PHLDA1: variants seen among roughly 807,000 people sequenced by gnomAD.
PHLDA1 encodes pleckstrin homology like domain family A member 1, also known as pleckstrin homology-like domain family A member 1.
In PHLDA1, 28 loss-of-function variants were observed where a neutral mutation model predicts 33.8. The ratio of observed to expected loss-of-function variants is 0.83; its 90% CI spans 0.61 to 1.14. PHLDA1 has a LOEUF of 1.14. Ranked by LOEUF, PHLDA1 falls within the 50% of genes most tolerant of loss-of-function variation. The pLI, the probability that PHLDA1 is intolerant of heterozygous loss-of-function variation, is 0.00. For synonymous variants in PHLDA1, 271 were observed against 243.6 expected, an observed-to-expected ratio of 1.11 and a Z score of -1.05; for missense variants, 595 against 548.6, an observed-to-expected ratio of 1.08 and a Z score of -0.84.
At position 76,031,340 on chromosome 12, in the gene PHLDA1, G is replaced by A. The variant is rs753441678; in HGVS notation, c.402C>T (p.Gly134=). ...GCATCCTCCCAGCATAAGAGGGGCC[G>A]CCGCTTGGCTCGGCCTCTCCGTTTC... Residue 134 remains glycine, a synonymous_variant, in exon 1 of 2, where the codon GGC becomes GGT. Transcript: ENST00000266671. The surrounding 1 kb of genome is among the most constrained non-coding windows in gnomAD (Gnocchi z 5.4). 6.2e-7 allele frequency: 1 copy of A among 1,612,264 alleles called. No homozygotes were observed. The highest frequency in any genetic ancestry group is 8.5e-7 in the Non-Finnish European group (1 of 1,179,574).
rs1255553553 is a variant in PHLDA1, at chr12:76,031,377, G to GC, written c.364dup (p.Ala122GlyfsTer25). ...GGCCTCTCCGTTTCCAGCCGCGCGG[G>GC]CCGGGGGCAGCAGCAGCAGCCTCGC... is the stretch of plus-strand genomic sequence containing the variant. On this transcript the variant is annotated frameshift_variant, in exon 1 of 2. Transcript: ENST00000266671. LOFTEE classifies it high-confidence loss of function. This position sits in a 1 kb window ranked among gnomAD's most constrained non-coding sequence, Gnocchi z 5.4. The GC allele has an allele frequency of 6.2e-7, 1 of 1,606,276 alleles. No individual in the cohort carries two copies. Among genetic ancestry groups the GC allele is most frequent in the Admixed American group, 1.7e-5 (1 of 59,582 alleles).
At chr12:76,030,562 G>A in exon 1 of PHLDA1, 1 of 1,613,946 alleles carries the variant, frequency 6.2e-7, no homozygotes, top group Non-Finnish European at 8.5e-7. Flanking sequence ...GTGCTGCGGA[G>A]AAGCCGGTGC....
chr12:76,030,271 TGGGCGCGGGCGC>T (rs200305606), intron 1 of PHLDA1, among the ~76,000 whole-genome samples, 179 bp from the exon 2 acceptor site: 3 of 152,114 alleles, frequency 2.0e-5, no homozygotes, highest in Non-Finnish European at 4.4e-5. Context: ...ACGGTCGTGA[TGGGCGCGGGCGC>T]GGGCGCGGTC....
rs1262735846 is a variant in PHLDA1 at position 76,031,185 on chromosome 12, T to C, written c.557A>G (p.Gln186Arg). The C allele has an allele frequency of 6.2e-7, 1 of 1,613,048 alleles. No individual in the cohort carries two copies. Among genetic ancestry groups the C allele is most frequent in the East Asian group, 2.2e-5 (1 of 44,858 alleles). The change falls in exon 1 of 2, where the codon CAG becomes CGG. Residue 186 changes from glutamine (Q) to arginine (R), a missense_variant. Coordinates refer to ENST00000266671, the Ensembl canonical transcript of PHLDA1. The surrounding 1 kb of genome is among the most constrained non-coding windows in gnomAD (Gnocchi z 5.4). Reference sequence around the variant, plus strand: ...CTGCTGCTGCTGCTGGTGTTGCAGCTGCTTGGGCGGGATAAGCAGCAGCCC... The same window carrying C: ...CTGCTGCTGCTGCTGGTGTTGCAGCCGCTTGGGCGGGATAAGCAGCAGCCC...
chr12:76,030,003 A>T (rs539786686), exon 2 of PHLDA1: 1 of 156,232 alleles, frequency 6.4e-6, no homozygotes, highest in East Asian at 1.9e-4. Flanking sequence ...AAACTACTTG[A>T]TCTGGTGCGG....
chr12:76,031,671 G>A lies in PHLDA1; in HGVS notation c.71C>T (p.Pro24Leu), dbSNP rs753894569. ...CCGAGTGACACCCAGCGGAAAAGGC[G>A]GCTCCTGGCGCCCGCACCGCGGGGG... The change falls in exon 1 of 2, where the codon CCG becomes CTG. Residue 24 changes from proline (P) to leucine (L), a missense_variant. This residue lies in a region of PHLDA1 where 263 missense variants were observed against 232.3 expected (regional missense o/e 1.13). Transcript: ENST00000266671. The surrounding 1 kb of genome is among the most constrained non-coding windows in gnomAD (Gnocchi z 5.4). 4.9e-5 allele frequency: 73 copies of A among 1,492,374 alleles called. No homozygotes were observed. Among genetic ancestry groups the A allele is most frequent in the Non-Finnish European group, 6.1e-5 (68 of 1,121,290 alleles). 92.4% of individuals were successfully genotyped at this position (1,492,374 alleles called of 1,614,324 possible).
chr12:76,031,130 C>T lies in PHLDA1; in HGVS notation c.612G>A (p.Gln204=), dbSNP rs771999435. Residue 204 remains glutamine, a synonymous_variant, in exon 1 of 2, where the codon CAG becomes CAA. Coordinates refer to ENST00000266671, the Ensembl canonical transcript of PHLDA1. The surrounding 1 kb of genome is among the most constrained non-coding windows in gnomAD (Gnocchi z 5.4). The stretch of plus-strand genomic sequence containing the variant: ...ACGGCTCGGCCGGCCCCTGCCCGGG[C>T]TGTTGTTGCTGCTGCTGCTGCTGCT... The T allele has an allele frequency of 6.3e-7, 1 of 1,576,368 alleles. No homozygotes were observed. The highest frequency in any genetic ancestry group is 8.6e-7 in the Non-Finnish European group (1 of 1,169,184).
At chr12:76,030,905 C>T in exon 1 of PHLDA1, 2 of 1,613,846 alleles carry the variant, frequency 1.2e-6, no homozygotes, top group East Asian at 2.2e-5. Context: ...ACTGCACCAT[C>T]TGCAGCGTGA....
In PHLDA1 at chr12:76,031,130, C is replaced by A. The variant is rs771999435; in HGVS notation, c.612G>T (p.Gln204His). Residue 204 changes from glutamine (Q) to histidine (H), a missense_variant, in exon 1 of 2, where the codon CAG (glutamine) becomes CAT (histidine). Gln to His is a conservative substitution (Grantham distance 24, BLOSUM62 0). This residue lies in a region of PHLDA1 where 328 missense variants were observed against 295.7 expected (regional missense o/e 1.11). Transcript: ENST00000266671. This position sits in a 1 kb window ranked among gnomAD's most constrained non-coding sequence, Gnocchi z 5.4. Reference sequence around the variant, plus strand: ...ACGGCTCGGCCGGCCCCTGCCCGGGCTGTTGTTGCTGCTGCTGCTGCTGCT... The same window carrying A: ...ACGGCTCGGCCGGCCCCTGCCCGGGATGTTGTTGCTGCTGCTGCTGCTGCT... 6.3e-7 allele frequency: 1 copy of A among 1,576,368 alleles called. No homozygotes were observed. The highest frequency in any genetic ancestry group is 1.1e-5 in the South Asian group (1 of 89,268).
chr12:76,031,403 G>C lies in PHLDA1; in HGVS notation c.339C>G (p.Gly113=). 6.3e-7 allele frequency: 1 copy of C among 1,583,096 alleles called. No individual in the cohort carries two copies. The highest frequency in any genetic ancestry group is 8.6e-7 in the Non-Finnish European group (1 of 1,166,182). ...CCGGGGGCAGCAGCAGCAGCCTCGC[G>C]CCGTCCTCGCCCCAGCGGCTCCCAC... Residue 113 remains glycine, a synonymous_variant, in exon 1 of 2, where the codon GGC becomes GGG. Transcript: ENST00000266671. This position sits in a 1 kb window ranked among gnomAD's most constrained non-coding sequence, Gnocchi z 5.4.
At chr12:76,030,828 T>C (rs1268674585) in exon 1 of PHLDA1, 1 of 1,576,938 alleles carries the variant, frequency 6.3e-7, no homozygotes, top group Non-Finnish European at 8.6e-7. Flanking sequence ...GGGGGGCTGC[T>C]GCTGGACCAG....
exon 2 of PHLDA1, chr12:76,025,666 C>T (rs1198103714): frequency 6.6e-6 from 1 of 152,298 alleles, no homozygotes; most frequent in African/African-American, 2.4e-5. Flanking sequence ...AAGAAGAAGG[C>T]TGACCTCGGA....
At chr12:76,028,264 G>T (rs1870820039) in exon 2 of PHLDA1, 1 of 152,018 alleles carries the variant, frequency 6.6e-6, no homozygotes, top group Non-Finnish European at 1.5e-5. Context: ...ATTCATATAT[G>T]TGTATACATA....
chr12:76,030,537 C>G, exon 1 of PHLDA1: 1 of 1,612,956 alleles, frequency 6.2e-7, no homozygotes. Flanking sequence ...CTGCCCCTTT[C>G]AGGCAGAGTT....
At chr12:76,030,732 G>A in exon 1 of PHLDA1, 4 of 1,221,674 alleles carry the variant, frequency 3.3e-6, no homozygotes, top group Non-Finnish European at 4.7e-6. Flanking sequence ...TTGGGGCTGA[G>A]GCTGGGGTTG....
At chr12:76,030,205 C>T (rs759495366) in intron 1 of PHLDA1, 113 bp from the exon 2 acceptor site, 5 of 414,702 alleles carry the variant, frequency 1.2e-5, no homozygotes, top group Non-Finnish European at 2.2e-5. Flanking sequence ...TGGTGTTTCC[C>T]TCAACTGCCC....
At chr12:76,030,266 C>A (rs981922416) in intron 1 of PHLDA1, among the ~76,000 whole-genome samples, 174 bp from the exon 2 acceptor site, 4 of 152,126 alleles carry the variant, frequency 2.6e-5, no homozygotes, top group Non-Finnish European at 5.9e-5. Context: ...CAAGGACGGT[C>A]GTGATGGGCG....
exon 2 of PHLDA1, chr12:76,026,645 A>T (rs908527939): frequency 6.6e-5 from 10 of 152,154 alleles, no homozygotes; most frequent in Non-Finnish European, 1.2e-4. Context: ...TAAACATCTG[A>T]AGTGAAATTA....
chr12:76,030,076 C>T lies in PHLDA1; in HGVS notation c.*43G>A, dbSNP rs188442534. On this transcript the variant is annotated 3_prime_UTR_variant, in exon 2 of 2. Transcript: ENST00000266671. ...CAATAGAAATGTGCTCGTCCCACTTCCTCAAGTCCTCAAAACCTGGAAAGA... is the reference window on the plus strand; with the variant it reads ...CAATAGAAATGTGCTCGTCCCACTTTCTCAAGTCCTCAAAACCTGGAAAGA... The T allele has an allele frequency of 1.1e-3, 191 of 181,080 alleles. 1 individual carries two copies. Among genetic ancestry groups the T allele is most frequent in the African/African-American group, 4.1e-3 (177 of 43,022 alleles). The allele number at this position is 181,080 out of a possible 1,614,324, so 11.2% of individuals were successfully genotyped here.
Sources: gnomAD v4.1 joint callset for allele counts (sites outside exome capture counted in the v4.1 genomes callset) on GRCh38, gnomAD v4.1.1 for gene constraint, gnomAD v4.1.1 regional missense constraint, Gnocchi (gnomAD v3.1) non-coding constraint, MANE v1.5 for transcripts, NCBI Gene and HGNC (gene_info 2026-07-23, HGNC 2026-07-21) for gene names.